The following ADGRL2 variants were observed in gnomAD, a reference collection of about 807,000 sequenced individuals.
ADGRL2 encodes the protein calcium-independent alpha-latrotoxin receptor 2.
In ADGRL2, 44 loss-of-function variants were observed where a neutral mutation model predicts 157.4. That is an observed-to-expected ratio of 0.28 (90% CI 0.22 to 0.36). The LOEUF (loss-of-function observed/expected upper bound fraction) is 0.36. Among genes scored for constraint, ADGRL2 ranks in the 10% least tolerant of loss-of-function variants. ADGRL2 has a pLI of 1.00. For synonymous variants in ADGRL2, 585 were observed against 624.7 expected (o/e 0.94, Z 0.95); for missense variants, 1,510 against 1,768.9 (o/e 0.85, Z 2.63).
intron 1 of ADGRL2, among the ~76,000 whole-genome samples, chr1:81,703,004 G>A (rs571147777): frequency 2.6e-5 from 4 of 152,328 alleles, no homozygotes; most frequent in Non-Finnish European, 5.9e-5. Context: ...GTAACCCAGT[G>A]TAGAAGCACA....
intron 2 of ADGRL2, among the ~76,000 whole-genome samples, chr1:81,504,612 A>T (rs1457774606): frequency 1.3e-5 from 2 of 152,070 alleles, no homozygotes; most frequent in Admixed American, 1.3e-4. Flanking sequence ...CCCAGTGAGG[A>T]GGTGGGTGGA....
chr1:81,721,209 A>C (rs144070800), intron 1 of ADGRL2, among the ~76,000 whole-genome samples: 50 of 151,594 alleles, frequency 3.3e-4, no homozygotes, highest in Non-Finnish European at 6.0e-4. Context: ...TGGTAACGGC[A>C]TACATTTATC....
intron 10 of ADGRL2, 70 bp from the exon 11 acceptor site, chr1:81,955,807 C>A: frequency 1.1e-6 from 1 of 875,606 alleles, no homozygotes; most frequent in Non-Finnish European, 1.8e-6. Flanking sequence ...AATTGTCACT[C>A]ATCAGCTACT....
At chr1:81,412,635 T>TAA (rs1196478860) in intron 1 of ADGRL2, among the ~76,000 whole-genome samples, 24 of 152,336 alleles carry the variant, frequency 1.6e-4, no homozygotes, top group African/African-American at 5.8e-4. Flanking sequence ...ATATTACTTG[T>TAA]TATGTAGCAG....
chr1:81,529,600 A>G (rs2079551555), intron 2 of ADGRL2, among the ~76,000 whole-genome samples: 1 of 152,220 alleles, frequency 6.6e-6, no homozygotes. Context: ...AAATGCTGGC[A>G]TTATTTTTTA....
chr1:81,474,135 T>C (rs557522920), intron 2 of ADGRL2, among the ~76,000 whole-genome samples: 1 of 152,222 alleles, frequency 6.6e-6, no homozygotes, highest in Non-Finnish European at 1.5e-5. Flanking sequence ...GAATTGGATA[T>C]GAAATGAACG....
At chr1:81,968,969 G>T (rs1657932430) in intron 14 of ADGRL2, among the ~76,000 whole-genome samples, 1 of 152,062 alleles carries the variant, frequency 6.6e-6, no homozygotes, top group Non-Finnish European at 1.5e-5. Context: ...CTCTCTCATA[G>T]ATCATTTTTT....
chr1:81,468,908 C>G (rs1220463256), intron 2 of ADGRL2, among the ~76,000 whole-genome samples: 1 of 152,108 alleles, frequency 6.6e-6, no homozygotes, highest in Non-Finnish European at 1.5e-5. Context: ...GAGGGAGCCT[C>G]AGTGGAAGGA....
At chr1:81,953,808 G>T (rs1357766490) in intron 10 of ADGRL2, among the ~76,000 whole-genome samples, 2 of 152,130 alleles carry the variant, frequency 1.3e-5, no homozygotes, top group Admixed American at 6.6e-5. Flanking sequence ...CTTTTCAGGG[G>T]ACCATAACCA....
At chr1:81,739,506 G>A (rs923553069) in intron 1 of ADGRL2, among the ~76,000 whole-genome samples, 2 of 152,116 alleles carry the variant, frequency 1.3e-5, no homozygotes, top group East Asian at 3.9e-4. Flanking sequence ...AGAGAGCCAA[G>A]GTGAGCTCTT....
chr1:81,957,658 G>C (rs886458160), intron 11 of ADGRL2, among the ~76,000 whole-genome samples: 1 of 152,004 alleles, frequency 6.6e-6, no homozygotes, highest in African/African-American at 2.4e-5. Flanking sequence ...GCAGTGAGCT[G>C]AGATCATGCC....
chr1:81,825,288 A>T (rs771686287), intron 1 of ADGRL2, among the ~76,000 whole-genome samples: 2 of 152,186 alleles, frequency 1.3e-5, no homozygotes, highest in African/African-American at 4.8e-5. Flanking sequence ...GCTTGAGTCA[A>T]GAGTTTAAGG....
intron 2 of ADGRL2, among the ~76,000 whole-genome samples, chr1:81,905,947 AGTGTGT>A (rs3046460): frequency 0.055 from 7,892 of 144,538 alleles, 232 homozygotes; most frequent in Non-Finnish European, 0.071. Flanking sequence ...AAAAAAGCAG[AGTGTGT>A]GTGTGTGTGT....
At chr1:81,636,189 C>T (rs1033182621) in intron 3 of ADGRL2, among the ~76,000 whole-genome samples, 3 of 152,108 alleles carry the variant, frequency 2.0e-5, no homozygotes, top group African/African-American at 7.2e-5. Flanking sequence ...TCTGTATTTA[C>T]ATATCCAAGA....
In ADGRL2 at chr1:81,675,727, G is replaced by A. The variant is rs1378071813; in HGVS notation, c.-142-86084G>A. On this transcript the variant is annotated intron_variant, in intron 3 of 24. Coordinates refer to the ADGRL2 transcript ENST00000370721. Reference sequence around the variant, plus strand: ...CTCCCGAGTAGCTGGGATTACAGGCGTGTGCCATCACACCCAGCTGATTTT... The same window carrying A: ...CTCCCGAGTAGCTGGGATTACAGGCATGTGCCATCACACCCAGCTGATTTT... 6.6e-5 allele frequency among the ~76,000 whole-genome samples: 10 copies of A among 151,644 alleles called. No homozygotes were observed. The East Asian group carries it at 7.8e-4, about 12-fold the overall frequency.
intron 1 of ADGRL2, among the ~76,000 whole-genome samples, chr1:81,332,616 G>C (rs1478672311): frequency 6.6e-6 from 1 of 152,132 alleles, no homozygotes; most frequent in African/African-American, 2.4e-5. Context: ...CATGGCCTTT[G>C]AAAGTTACAC....
intron 2 of ADGRL2, among the ~76,000 whole-genome samples, chr1:81,860,368 G>C (rs1213029623): frequency 1.3e-5 from 2 of 151,858 alleles, no homozygotes; most frequent in African/African-American, 4.8e-5. Flanking sequence ...GTAGAGACAG[G>C]GTTTCTCTAT....
intron 1 of ADGRL2, among the ~76,000 whole-genome samples, chr1:81,372,094 A>T (rs987600027): frequency 6.6e-6 from 1 of 152,178 alleles, no homozygotes; most frequent in African/African-American, 2.4e-5. Flanking sequence ...AGCGAAACAA[A>T]CAACCTATCC....
At chr1:81,845,063 T>C (rs1186913328) in intron 2 of ADGRL2, among the ~76,000 whole-genome samples, 2 of 152,134 alleles carry the variant, frequency 1.3e-5, no homozygotes, top group Non-Finnish European at 2.9e-5. Context: ...ATACTTCATA[T>C]GGATAAAGCC....
Sources: gnomAD v4.1 joint callset for allele counts (sites outside exome capture counted in the v4.1 genomes callset) on GRCh38, gnomAD v4.1.1 for gene constraint, MANE v1.5 for transcripts, NCBI Gene and HGNC (gene_info 2026-07-23, HGNC 2026-07-21) for gene names.